Variants in PCGF5 observed in about 807,000 individuals in gnomAD.
PCGF5 encodes polycomb group RING finger protein 5.
Under a neutral mutation model 44.3 loss-of-function variants are expected in PCGF5, and 9 were observed. The ratio of observed to expected loss-of-function variants is 0.20; its 90% confidence interval spans 0.12 to 0.35. PCGF5 has a LOEUF of 0.35. Among genes scored for constraint, PCGF5 ranks in the 10% least tolerant of loss-of-function variants. The pLI, the probability that PCGF5 is intolerant of heterozygous loss-of-function variation, is 1.00. For missense variants in PCGF5, 146 were observed against 305.3 expected (o/e 0.48, Z 3.89); for synonymous variants, 95 against 102.5 (o/e 0.93, Z 0.44).
intron 9 of PCGF5, among the ~76,000 whole-genome samples, chr10:91,272,751 T>G (rs1266283537): frequency 1.3e-5 from 2 of 152,090 alleles, no homozygotes; most frequent in Non-Finnish European, 1.5e-5. Context: ...CCAGCCTGGG[T>G]GACAGAGCAA....
chr10:91,219,949 C>G (rs1414649155), upstream of PCGF5, among the ~76,000 whole-genome samples: 1 of 152,128 alleles, frequency 6.6e-6, no homozygotes, highest in Admixed American at 6.5e-5. Flanking sequence ...TGACAGTCTC[C>G]CCTACCCTCT....
intron 1 of PCGF5, among the ~76,000 whole-genome samples, chr10:91,203,738 C>T (rs1339405500): frequency 1.3e-5 from 2 of 152,166 alleles, no homozygotes; most frequent in Non-Finnish European, 2.9e-5. Context: ...GTTCTCTTAA[C>T]ATTTTTCATT....
At chr10:91,216,704 G>A (rs901856722), upstream of PCGF5, among the ~76,000 whole-genome samples, 1 of 152,158 alleles carries the variant, frequency 6.6e-6, no homozygotes, top group Non-Finnish European at 1.5e-5. Flanking sequence ...ATTTAGCAAG[G>A]GAAGTCCTTG....
chr10:91,172,083 G>A (rs1447809246), intron 1 of PCGF5, among the ~76,000 whole-genome samples: 1 of 152,172 alleles, frequency 6.6e-6, no homozygotes, highest in Non-Finnish European at 1.5e-5. Context: ...ACAGACGTGT[G>A]GCAGAGCTAG....
chr10:91,228,343 G>C (rs1844904590), intron 2 of PCGF5, among the ~76,000 whole-genome samples: 1 of 151,896 alleles, frequency 6.6e-6, no homozygotes, highest in African/African-American at 2.4e-5. Flanking sequence ...ACCCTTTTGT[G>C]GTCAGAGGCC....
chr10:91,166,466 A>G (rs1320534406), intron 1 of PCGF5, among the ~76,000 whole-genome samples: 2 of 152,214 alleles, frequency 1.3e-5, no homozygotes, highest in Non-Finnish European at 2.9e-5. Flanking sequence ...ACAGAATTAG[A>G]TATTGGCAGT....
chr10:91,260,704 A>C (rs897872754), intron 6 of PCGF5, among the ~76,000 whole-genome samples: 1 of 151,688 alleles, frequency 6.6e-6, no homozygotes, highest in African/African-American at 2.4e-5. Context: ...GCAAACTATC[A>C]CAAGGACAAA....
chr10:91,211,226 T>A (rs1477858617), intron 1 of PCGF5, among the ~76,000 whole-genome samples: 1 of 152,274 alleles, frequency 6.6e-6, no homozygotes, highest in African/African-American at 2.4e-5. Context: ...TATACAATAC[T>A]GACTTGGCTA....
At position 91,238,662 on chromosome 10, in the gene PCGF5, A is replaced by G. The variant is rs537771496; in HGVS notation, c.113-1822A>G. Among the ~76,000 whole-genome samples the G allele has an allele frequency of 1.1e-4, 11 of 104,190 alleles. No individual in the cohort carries two copies. The South Asian group carries it at 3.2e-3, about 30-fold the overall frequency. 68.4% of individuals were successfully genotyped at this position (104,190 alleles called of 152,430 possible). A position where few individuals can be genotyped will look rare whatever the true frequency, so the allele number is the denominator to read the frequency against. Reference sequence around the variant, plus strand: ...TTTCCCAAATTTCAGAGACTTATCTATCATCCCTGGGAAAAGAGCAAATAC... The same window carrying G: ...TTTCCCAAATTTCAGAGACTTATCTGTCATCCCTGGGAAAAGAGCAAATAC... On this transcript the variant is annotated intron_variant, in intron 2 of 9. Transcript: ENST00000336126.
chr10:91,263,785 A>G (rs1428889939), intron 7 of PCGF5, among the ~76,000 whole-genome samples: 3 of 152,306 alleles, frequency 2.0e-5, no homozygotes, highest in South Asian at 2.1e-4. Context: ...GGATCCTGTA[A>G]GTATTGTGCA....
intron 1 of PCGF5, among the ~76,000 whole-genome samples, chr10:91,208,449 C>T (rs1166417981): frequency 2.0e-5 from 3 of 152,108 alleles, no homozygotes; most frequent in Non-Finnish European, 2.9e-5. Flanking sequence ...GTATGAATCA[C>T]CTGAGGGCCC....
chr10:91,230,987 C>A (rs1194151585), intron 2 of PCGF5, among the ~76,000 whole-genome samples: 1 of 152,082 alleles, frequency 6.6e-6, no homozygotes, highest in African/African-American at 2.4e-5. Context: ...TGGACTCAAG[C>A]AATCCTCCCA....
chr10:91,257,619 G>A (rs2133399734), intron 6 of PCGF5, among the ~76,000 whole-genome samples: 1 of 152,198 alleles, frequency 6.6e-6, no homozygotes. Context: ...GCTGGACAAA[G>A]GGAGGATTCA....
intron 2 of PCGF5, among the ~76,000 whole-genome samples, chr10:91,230,675 G>A (rs1171148532): frequency 6.6e-6 from 1 of 151,932 alleles, no homozygotes; most frequent in Non-Finnish European, 1.5e-5. Context: ...GCAAGATCTC[G>A]GCTCACTGCA....
intron 1 of PCGF5, among the ~76,000 whole-genome samples, chr10:91,191,043 G>A (rs1844023524): frequency 6.6e-6 from 1 of 152,128 alleles, no homozygotes; most frequent in Admixed American, 6.5e-5. Context: ...CTGATCCACA[G>A]GGAACATATT....
chr10:91,209,763 G>A (rs1427737092), intron 1 of PCGF5, among the ~76,000 whole-genome samples: 374 of 374 alleles, frequency 1, 187 homozygotes, highest in Non-Finnish European at 1. Context: ...ACTCCGTCTC[G>A]AAGAAAAAAA....
At chr10:91,163,862 C>T (rs963116331) in intron 1 of PCGF5, among the ~76,000 whole-genome samples, 1 of 152,068 alleles carries the variant, frequency 6.6e-6, no homozygotes, top group Non-Finnish European at 1.5e-5. Context: ...CACGGACGGA[C>T]GTGCCCGCTG....
chr10:91,208,162 TTC>T (rs1844380593), intron 1 of PCGF5, among the ~76,000 whole-genome samples: 1 of 152,222 alleles, frequency 6.6e-6, no homozygotes, highest in Admixed American at 6.5e-5. Flanking sequence ...GATTTTATAA[TTC>T]TTTCATTCCT....
chr10:91,255,523 A>C (rs1845727536), intron 6 of PCGF5, among the ~76,000 whole-genome samples: 3 of 152,070 alleles, frequency 2.0e-5, no homozygotes, highest in Admixed American at 6.6e-5. Context: ...CCCCAAACAC[A>C]TACCCAGATT....
Sources: allele counts gnomAD v4.1 joint callset (sites outside exome capture counted in the v4.1 genomes callset), GRCh38; gene constraint gnomAD v4.1.1; transcripts MANE v1.5; gene names NCBI Gene and HGNC (gene_info 2026-07-23, HGNC 2026-07-21).